Variants in GPHN observed in about 807,000 individuals in gnomAD.
The protein encoded by GPHN is gephyrin.
Under a neutral mutation model 95.5 loss-of-function variants are expected in GPHN, and 17 were observed. The observed-to-expected ratio is 0.18, with a 90% CI of 0.12 to 0.27. GPHN has a LOEUF of 0.27. Ranked by LOEUF, GPHN falls within the 10% of genes least tolerant of loss-of-function variation. GPHN has a pLI of 1.00. For missense variants in GPHN, 660 were observed against 978.1 expected (o/e 0.67, Z 4.34); for synonymous variants, 320 against 322.5 (o/e 0.99, Z 0.08).
the GPHN span, among the ~76,000 whole-genome samples, chr14:67,255,140 T>TC: frequency 4.0e-5 from 6 of 151,740 alleles, no homozygotes; most frequent in African/African-American, 1.5e-4. Context: ...AGAGCGAGAC[T>TC]CCATCTCTCA....
At chr14:67,601,731 C>T in the GPHN span, among the ~76,000 whole-genome samples, 5 of 151,886 alleles carry the variant, frequency 3.3e-5, no homozygotes, top group Admixed American at 2.0e-4. Flanking sequence ...GTGAAACCAT[C>T]TCTACTAAAA....
At chr14:67,545,774 A>G in the GPHN span, among the ~76,000 whole-genome samples, 2 of 152,248 alleles carry the variant, frequency 1.3e-5, no homozygotes, top group Non-Finnish European at 2.9e-5. Flanking sequence ...CTCAAAAATC[A>G]GCATTGAATA....
intron 4 of GPHN, among the ~76,000 whole-genome samples, chr14:66,864,089 A>T (rs202014754): frequency 1.3e-5 from 2 of 152,200 alleles, no homozygotes; most frequent in East Asian, 3.9e-4. Context: ...AATAACCAGA[A>T]TATGTAAGAA....
the GPHN span, chr14:67,198,118 G>A: frequency 3.1e-6 from 5 of 1,587,654 alleles, no homozygotes; most frequent in South Asian, 1.2e-5. Flanking sequence ...TCCACTAATT[G>A]TGTTTCCATT....
At chr14:67,551,465 T>C in the GPHN span, among the ~76,000 whole-genome samples, 1 of 152,120 alleles carries the variant, frequency 6.6e-6, no homozygotes, top group Non-Finnish European at 1.5e-5. Flanking sequence ...TTATTATATA[T>C]ATATATTTTT....
chr14:66,977,153 C>T (rs914205947), intron 9 of GPHN, among the ~76,000 whole-genome samples: 7 of 152,058 alleles, frequency 4.6e-5, no homozygotes, highest in Non-Finnish European at 7.4e-5. Flanking sequence ...ATATACAGGC[C>T]GGGCGCGGTG....
intron 2 of GPHN, among the ~76,000 whole-genome samples, chr14:66,718,862 C>A (rs1264465915): frequency 6.6e-6 from 1 of 152,112 alleles, no homozygotes; most frequent in East Asian, 1.9e-4. Flanking sequence ...CTCAGACTCT[C>A]CTTGGGCAGG....
chr14:67,598,970 A>G, the GPHN span, among the ~76,000 whole-genome samples: 1 of 152,114 alleles, frequency 6.6e-6, no homozygotes, highest in Admixed American at 6.5e-5. Context: ...TCAGCTTCCC[A>G]AAGTGCTGGG....
the GPHN span, among the ~76,000 whole-genome samples, chr14:67,546,866 G>A: frequency 1.3e-5 from 2 of 152,066 alleles, no homozygotes; most frequent in Non-Finnish European, 2.9e-5. Flanking sequence ...CTGTCTCAAA[G>A]GATATATATA....
chr14:67,129,909 G>A (rs569974178), intron 17 of GPHN, among the ~76,000 whole-genome samples: 2 of 151,994 alleles, frequency 1.3e-5, no homozygotes, highest in South Asian at 2.1e-4. Flanking sequence ...AGTCTTTAAT[G>A]TTACCCTTGA....
At chr14:66,959,092 A>G (rs764357481) in intron 8 of GPHN, among the ~76,000 whole-genome samples, 34 of 152,248 alleles carry the variant, frequency 2.2e-4, no homozygotes, top group Non-Finnish European at 1.5e-4. Flanking sequence ...TTATACAACA[A>G]CTTCATACCT....
chr14:66,630,457 T>C (rs780018952), intron 1 of GPHN, among the ~76,000 whole-genome samples: 2 of 152,098 alleles, frequency 1.3e-5, no homozygotes, highest in Non-Finnish European at 2.9e-5. Flanking sequence ...ATGTTGGCAA[T>C]TGGTCATCAG....
the GPHN span, among the ~76,000 whole-genome samples, chr14:67,514,323 G>A: frequency 6.6e-6 from 1 of 152,158 alleles, no homozygotes; most frequent in African/African-American, 2.4e-5. Flanking sequence ...AGAGGGAAAG[G>A]AAGATACCTG....
At chr14:67,483,610 C>T in the GPHN span, among the ~76,000 whole-genome samples, 2 of 152,206 alleles carry the variant, frequency 1.3e-5, no homozygotes, top group Non-Finnish European at 2.9e-5. Flanking sequence ...ACACAGAGGC[C>T]CTCCAGGGTC....
chr14:67,687,993 G>A, the GPHN span, among the ~76,000 whole-genome samples: 1 of 151,896 alleles, frequency 6.6e-6, no homozygotes, highest in Admixed American at 6.6e-5. Flanking sequence ...GGATGTTCTC[G>A]AACTCCTGAC....
At chr14:67,477,278 C>G in the GPHN span, among the ~76,000 whole-genome samples, 1 of 152,222 alleles carries the variant, frequency 6.6e-6, no homozygotes, top group Non-Finnish European at 1.5e-5. Context: ...ACATCTTCAG[C>G]CTTTTCCTCA....
At chr14:66,516,456 T>G (rs2058251463) in intron 1 of GPHN, among the ~76,000 whole-genome samples, 1 of 152,194 alleles carries the variant, frequency 6.6e-6, no homozygotes, top group Non-Finnish European at 1.5e-5. Flanking sequence ...ACTATATCCT[T>G]GGGAACCACA....
chr14:67,541,952 C>T, the GPHN span: 3 of 1,607,586 alleles, frequency 1.9e-6, no homozygotes, highest in Admixed American at 3.4e-5. Flanking sequence ...TTTCCGGTTC[C>T]GCCTACAGGC....
chr14:67,125,708 T>C lies in GPHN; in HGVS notation c.1748+3331T>C, dbSNP rs192504556. 8.8e-3 allele frequency among the ~76,000 whole-genome samples: 1,299 copies of C among 148,002 alleles called. 14 individuals are homozygous for C. Among genetic ancestry groups the C allele is most frequent in the African/African-American group, 0.031 (1,228 of 39,912 alleles). ...AGGGGAATCGCTTGAATGTGGGAGG[T>C]GGGGGTTGCAGTGAGCCAACATCGT... On this transcript the variant is annotated intron_variant, in intron 17 of 22. Coordinates refer to ENST00000478722, the MANE Select transcript of GPHN (RefSeq NM_020806.5).
Sources: gnomAD v4.1 joint callset for allele counts (sites outside exome capture counted in the v4.1 genomes callset) on GRCh38, gnomAD v4.1.1 for gene constraint, MANE v1.5 for transcripts, NCBI Gene and HGNC (gene_info 2026-07-23, HGNC 2026-07-21) for gene names.